The following RASIP1 variants were observed in gnomAD, a reference collection of about 807,000 sequenced individuals.
The protein encoded by RASIP1 is Ras interacting protein 1, also known as ras-interacting protein 1.
In RASIP1, 20 loss-of-function variants were observed where a neutral mutation model predicts 85.3. That is an observed-to-expected ratio of 0.23 (90% confidence interval 0.17 to 0.34). The LOEUF is 0.34. Among genes scored for constraint, RASIP1 ranks in the 10% least tolerant of loss-of-function variants. RASIP1 has a pLI of 1.00. For synonymous variants in RASIP1, 617 were observed against 647.1 expected (o/e 0.95, Z 0.71); for missense variants, 1,170 against 1,390.9 (o/e 0.84, Z 2.53).
At chr19:48,734,476 G>A (rs1465010354) in intron 4 of RASIP1, among the ~76,000 whole-genome samples, 1 of 112,198 alleles carries the variant, frequency 8.9e-6, no homozygotes, top group Non-Finnish European at 1.9e-5. Flanking sequence ...ACCACGCCCG[G>A]CTTTTTTTTC....
chr19:48,739,624 C>T lies in RASIP1; in HGVS notation c.159G>A (p.Gly53=), dbSNP rs1317720802. 4.2e-6 allele frequency: 6 copies of T among 1,437,432 alleles called. No homozygotes were observed. The South Asian group carries it at 6.8e-5, about 16-fold the overall frequency. The allele number at this position is 1,437,432 out of a possible 1,614,324, so 89.0% of individuals were successfully genotyped here. A position where few individuals can be genotyped will look rare whatever the true frequency, so the allele number is the denominator to read the frequency against. ...GAGGTAGCGGCTCGCTGCTGCGGCT[C>T]CCCGTGTCCGACGAAGAAGACCTGG... ...ASVKSSSSDT[G]SRSSEPLPPP... is the part of the protein sequence containing the mutation. Residue 53 remains glycine (G), a synonymous_variant, in exon 3 of 12, where the codon GGG becomes GGA. Transcript: ENST00000222145. The surrounding 1 kb of genome is among the most constrained non-coding windows in gnomAD (Gnocchi z 9.2).
In RASIP1 at chr19:48,720,943, C is replaced by T. The variant is rs757308590; in HGVS notation, c.2747G>A (p.Ser916Asn). The T allele has an allele frequency of 6.2e-7, 1 of 1,613,204 alleles. No individual in the cohort carries two copies. The highest frequency in any genetic ancestry group is 1.1e-5 in the South Asian group (1 of 91,070). Reference protein sequence around the residue: ...SHPPLILPLGSSRLRLTGPVT... With the variant: ...SHPPLILPLGNSRLRLTGPVT... ...TGGACCAGTGAGGCGCAGGCGCGAGCTCCCCAGGGGGAGGATGAGGGGCGG... is the reference window on the plus strand; with the variant it reads ...TGGACCAGTGAGGCGCAGGCGCGAGTTCCCCAGGGGGAGGATGAGGGGCGG... The change falls in exon 12 of 12, where the codon AGC (serine) becomes AAC (asparagine). Residue 916 changes from serine to asparagine, a missense_variant. Transcript: ENST00000222145.
At chr19:48,735,629 G>C (rs2033556372) in intron 3 of RASIP1, 78 bp from the exon 4 acceptor site, 2 of 1,361,774 alleles carry the variant, frequency 1.5e-6, no homozygotes, top group Non-Finnish European at 1.9e-6. Context: ...ATGAGACAAA[G>C]AACTGGTTGC....
chr19:48,739,575 G>C lies in RASIP1; in HGVS notation c.208C>G (p.Arg70Gly). ...GCCGCCTTGACAGCGCCCACTCGCC[G>C]CAGCTCCACGTGCGGCGGGGGCGGA... ...LPPPPPHVEL[R>G]RVGAVKAAGG... Residue 70 changes from arginine (R) to glycine (G), a missense_variant, in exon 3 of 12, where the codon CGG becomes GGG. Physicochemically the swap from Arg to Gly is moderately radical, Grantham distance 125. Transcript: ENST00000222145. The surrounding 1 kb of genome is among the most constrained non-coding windows in gnomAD (Gnocchi z 9.2). 1 of 1,496,618 alleles carries C rather than the reference G, an allele frequency of 6.7e-7. No homozygotes were observed. Among genetic ancestry groups the C allele is most frequent in the Admixed American group, 2.2e-5 (1 of 46,186 alleles). 92.7% of individuals were successfully genotyped at this position (1,496,618 alleles called of 1,614,324 possible). A position where few individuals can be genotyped will look rare whatever the true frequency, so the allele number is the denominator to read the frequency against.
At position 48,735,453 on chromosome 19, in the gene RASIP1, C is replaced by A; in HGVS notation, c.922G>T (p.Ala308Ser). Reference sequence around the variant, plus strand: ...TCCTTGCCTCCAGACCCAGCTGGGGCCCCTGATCCGGTCCCCGGGCCAGGA... The same window carrying A: ...TCCTTGCCTCCAGACCCAGCTGGGGACCCTGATCCGGTCCCCGGGCCAGGA... ...ASPGPGTGSG[A>S]PAGSGGKERS... Residue 308 changes from alanine to serine, a missense_variant, in exon 4 of 12, where the codon GCC becomes TCC. By Grantham distance (99) the Ala-to-Ser change is moderately conservative. Transcript: ENST00000222145. 2 of 1,594,154 alleles carry A rather than the reference C, an allele frequency of 1.3e-6. No homozygotes were observed. Among genetic ancestry groups the A allele is most frequent in the Non-Finnish European group, 1.7e-6 (2 of 1,170,786 alleles).
Position 48,720,773 on chromosome 19 carries a change from T to G in RASIP1, c.*25A>C, listed in dbSNP as rs1568473097. The G allele has an allele frequency of 6.2e-7, 1 of 1,611,350 alleles. No homozygotes were observed. Among genetic ancestry groups the G allele is most frequent in the Non-Finnish European group, 8.5e-7 (1 of 1,177,748 alleles). On this transcript the variant is annotated 3_prime_UTR_variant, in exon 12 of 12. Transcript: ENST00000222145. ...GTAGAAGCCCGTGACATTTCAAGGT[T>G]CGCGCGCTCGTTTGGTATTGGTTCT... is the stretch of plus-strand genomic sequence containing the variant.
chr19:48,721,930 G>T lies in RASIP1; in HGVS notation c.2616C>A (p.His872Gln). Residue 872 changes from histidine (H) to glutamine (Q), a missense_variant, in exon 11 of 12, where the codon CAC (histidine) becomes CAA (glutamine). His to Gln is a conservative substitution (Grantham distance 24). Transcript: ENST00000222145. ...GCCCGCGGCCAGGGCCCAGCTGATA[G>T]TGGCTGAGCAGATGGTGCAGCTGGG... ...TPAQLHHLLS[H>Q]YQLGPGRGPP... 1 of 1,589,530 alleles carries T rather than the reference G, an allele frequency of 6.3e-7. No homozygotes were observed. The highest frequency in any genetic ancestry group is 1.4e-5 in the African/African-American group (1 of 73,482).
At chr19:48,732,990 T>G (rs1304896620) in intron 4 of RASIP1, among the ~76,000 whole-genome samples, 1 of 152,212 alleles carries the variant, frequency 6.6e-6, no homozygotes, top group African/African-American at 2.4e-5. Flanking sequence ...TAACCATCAG[T>G]TGGCCACACC....
intron 3 of RASIP1, among the ~76,000 whole-genome samples, chr19:48,736,477 AAC>A (rs1451523090): frequency 2.0e-5 from 3 of 152,192 alleles, no homozygotes; most frequent in African/African-American, 7.2e-5. Context: ...GTCACTGGAT[AAC>A]AGAGAAGACC....
At chr19:48,732,863 G>A (rs551387914) in intron 4 of RASIP1, among the ~76,000 whole-genome samples, 4 of 152,212 alleles carry the variant, frequency 2.6e-5, no homozygotes, top group Middle Eastern at 3.4e-3. Context: ...TTCTGTGACC[G>A]TAAAAATGGA....
At position 48,735,398 on chromosome 19, in the gene RASIP1, C is replaced by T. The variant is rs1380273790; in HGVS notation, c.977G>A (p.Ser326Asn). 6.2e-7 allele frequency: 1 copy of T among 1,612,846 alleles called. No individual in the cohort carries two copies. ...CCCCTGAAGGCTAAGCTCCGACACG[C>T]TGCGCCGCAAAGACAAGTTTTCTGA... Reference protein sequence around the residue: ...ERSENLSLRRSVSELSLQGRR... With the variant: ...ERSENLSLRRNVSELSLQGRR... The change falls in exon 4 of 12, where the codon AGC becomes AAC. Residue 326 changes from serine (S) to asparagine (N), a missense_variant. Ser to Asn is a conservative substitution (Grantham distance 46). Around this residue, in one of 4 missense-constraint regions of RASIP1, gnomAD observed 301 missense variants for 294.8 expected, o/e 1.02. Coordinates refer to ENST00000222145, the MANE Select transcript of RASIP1 (RefSeq NM_017805.3).
At position 48,728,985 on chromosome 19, in the gene RASIP1, C is replaced by T. The variant is rs1319417799; in HGVS notation, c.1785G>A (p.Leu595=). The T allele has an allele frequency of 2.7e-6, 4 of 1,455,068 alleles. No individual in the cohort carries two copies. In the South Asian group the frequency reaches 4.0e-5, roughly 14 times the overall value. 90.1% of individuals were successfully genotyped at this position (1,455,068 alleles called of 1,614,324 possible). ...HSARELELGH[L]PRLLGRLARL... is the part of the protein sequence containing the mutation. The stretch of plus-strand genomic sequence containing the variant: ...GGGCCAGGCGGCCCAGCAGTCGTGG[C>T]AGGTGGCCCAGCTCCAGCTCACGGG... The change falls in exon 5 of 12, where the codon CTG becomes CTA. Residue 595 remains leucine (L), a synonymous_variant. Transcript: ENST00000222145.
chr19:48,723,410 A>G (rs1242997921), intron 10 of RASIP1, among the ~76,000 whole-genome samples: 2 of 152,066 alleles, frequency 1.3e-5, no homozygotes, highest in Non-Finnish European at 2.9e-5. Flanking sequence ...AATTACAAAA[A>G]TTAGCCGGGT....
rs1302886157 is a variant in RASIP1, at chr19:48,735,381, G to A, written c.994C>T (p.Leu332Phe). ...TGCTGCCGCCGCCGCCGCCCCTGAA[G>A]GCTAAGCTCCGACACGCTGCGCCGC... ...SLRRSVSELS[L>F]QGRRRRQQER... Residue 332 changes from leucine to phenylalanine, a missense_variant, in exon 4 of 12, where the codon CTT becomes TTT. Around this residue, in one of 4 missense-constraint regions of RASIP1, gnomAD observed 301 missense variants for 294.8 expected, o/e 1.02. Coordinates refer to ENST00000222145, the MANE Select transcript of RASIP1 (RefSeq NM_017805.3). The A allele has an allele frequency of 6.2e-7, 1 of 1,613,264 alleles. No individual in the cohort carries two copies. The highest frequency in any genetic ancestry group is 8.5e-7 in the Non-Finnish European group (1 of 1,179,880).
chr19:48,724,343 C>T lies in RASIP1; in HGVS notation c.2538G>A (p.Leu846=). 1 of 1,613,600 alleles carries T rather than the reference C, an allele frequency of 6.2e-7. No homozygotes were observed. Among genetic ancestry groups the T allele is most frequent in the Non-Finnish European group, 8.5e-7 (1 of 1,179,738 alleles). ...VNLLCVPRTS[L]LKASWSSLRT... is the part of the protein sequence containing the mutation. The stretch of plus-strand genomic sequence containing the variant: ...ATAGCTGACCAGGAGTCACCTTGAG[C>T]AGGGAAGTGCGGGGCACACAGAGCA... Residue 846 remains leucine (L), a synonymous_variant, in exon 10 of 12, where the codon CTG becomes CTA. Coordinates refer to ENST00000222145, the MANE Select transcript of RASIP1 (RefSeq NM_017805.3). The surrounding 1 kb of genome is among the most constrained non-coding windows in gnomAD (Gnocchi z 4.6).
At chr19:48,733,671 A>G (rs777757872) in intron 4 of RASIP1, among the ~76,000 whole-genome samples, 4 of 152,230 alleles carry the variant, frequency 2.6e-5, no homozygotes, top group Middle Eastern at 3.4e-3. Context: ...GCTGGGCATC[A>G]TGGCAGGCGC....
In RASIP1 at chr19:48,720,976, G is replaced by T; in HGVS notation, c.2714C>A (p.Ser905Tyr). ...GGGGAGGATGAGGGGCGGGTGCGAG[G>T]AGAAGCTTTCGAAGATGTCCCCTGT... Reference protein sequence around the residue: ...VDTGDIFESFSSHPPLILPLG... With the variant: ...VDTGDIFESFYSHPPLILPLG... The change falls in exon 12 of 12, where the codon TCC (serine) becomes TAC (tyrosine). Residue 905 changes from serine to tyrosine, a missense_variant. Physicochemically the swap from Ser to Tyr is moderately radical, Grantham distance 144 (BLOSUM62 -2). Coordinates refer to ENST00000222145, the MANE Select transcript of RASIP1 (RefSeq NM_017805.3). 6.2e-7 allele frequency: 1 copy of T among 1,607,442 alleles called. No individual in the cohort carries two copies. The highest frequency in any genetic ancestry group is 8.5e-7 in the Non-Finnish European group (1 of 1,177,276).
chr19:48,722,431 A>G (rs796113075), intron 10 of RASIP1, among the ~76,000 whole-genome samples: 26 of 151,132 alleles, frequency 1.7e-4, no homozygotes, highest in African/African-American at 6.3e-4. Context: ...CCTGGGCTCA[A>G]GTGATCCTTG....
At chr19:48,729,708 T>C in intron 4 of RASIP1, 118 bp from the exon 5 acceptor site, 1 of 438,382 alleles carries the variant, frequency 2.3e-6, no homozygotes, top group Non-Finnish European at 3.9e-6. Flanking sequence ...TCCTTCTTCT[T>C]CTTTTTTTTT....
Sources: gnomAD v4.1 joint callset for allele counts (sites outside exome capture counted in the v4.1 genomes callset) on GRCh38, gnomAD v4.1.1 for gene constraint, gnomAD v4.1.1 regional missense constraint, Gnocchi (gnomAD v3.1) non-coding constraint, MANE v1.5 for transcripts, NCBI Gene and HGNC (gene_info 2026-07-23, HGNC 2026-07-21) for gene names.